Variants in ADGRL3 observed in about 807,000 individuals in gnomAD.
ADGRL3 encodes calcium-independent alpha-latrotoxin receptor 3.
Under a neutral mutation model 153.5 loss-of-function variants are expected in ADGRL3, and 62 were observed. The ratio of observed to expected loss-of-function variants is 0.40; its 90% CI spans 0.33 to 0.50. The LOEUF (loss-of-function observed/expected upper bound fraction) is 0.50, where lower values mean the gene tolerates loss of function less well. Among genes scored for constraint, ADGRL3 ranks in the 20% least tolerant of loss-of-function variants. The probability of loss-of-function intolerance (pLI) is 0.47; values close to 1 mark genes in which losing one functional copy is unlikely to be tolerated. For synonymous variants in ADGRL3, 710 were observed against 672.5 expected, an observed-to-expected ratio of 1.06 and a Z score of -0.86; for missense variants, 1,641 against 1,859.4, an observed-to-expected ratio of 0.88 and a Z score of 2.16.
At chr4:61,688,770 G>T (rs1047923973) in intron 6 of ADGRL3, among the ~76,000 whole-genome samples, 1 of 151,992 alleles carries the variant, frequency 6.6e-6, no homozygotes, top group Non-Finnish European at 1.5e-5. Context: ...CAAAACCTTT[G>T]CCCTAATTCT....
chr4:61,331,178 G>C (rs1227832465), intron 1 of ADGRL3, among the ~76,000 whole-genome samples: 2 of 152,064 alleles, frequency 1.3e-5, no homozygotes, highest in African/African-American at 4.8e-5. Flanking sequence ...AACTTTGCAT[G>C]CATTTTTGTG....
chr4:61,478,389 AG>A (rs2098090254), intron 2 of ADGRL3, among the ~76,000 whole-genome samples: 1 of 152,058 alleles, frequency 6.6e-6, no homozygotes, highest in East Asian at 1.9e-4. Flanking sequence ...CAAAAGAGAA[AG>A]GGGAAAAAAA....
chr4:61,221,107 G>T (rs757939779), intron 1 of ADGRL3, among the ~76,000 whole-genome samples: 1 of 152,124 alleles, frequency 6.6e-6, no homozygotes, highest in Non-Finnish European at 1.5e-5. Flanking sequence ...ACAGAGGCTG[G>T]AATATGAGCT....
chr4:61,901,360 AT>A (rs1164149338), intron 11 of ADGRL3, among the ~76,000 whole-genome samples: 2 of 152,198 alleles, frequency 1.3e-5, no homozygotes, highest in African/African-American at 4.8e-5. Context: ...ATTTTACAGT[AT>A]TTTACAACGT....
intron 9 of ADGRL3, among the ~76,000 whole-genome samples, chr4:61,823,479 G>C (rs1581007864): frequency 6.6e-6 from 1 of 151,978 alleles, no homozygotes; most frequent in Non-Finnish European, 1.5e-5. Context: ...TCACCTTTTT[G>C]AGTGGTATTA....
intron 9 of ADGRL3, among the ~76,000 whole-genome samples, chr4:61,859,451 G>T (rs1214631917): frequency 6.6e-6 from 1 of 152,032 alleles, no homozygotes; most frequent in African/African-American, 2.4e-5. Context: ...AAATGTTTTT[G>T]TTTTCATAAT....
At chr4:61,320,278 T>C (rs891485011) in intron 1 of ADGRL3, among the ~76,000 whole-genome samples, 12 of 152,240 alleles carry the variant, frequency 7.9e-5, no homozygotes, top group African/African-American at 2.9e-4. Flanking sequence ...TATGCAAATA[T>C]ACCTAAGGAT....
intron 1 of ADGRL3, among the ~76,000 whole-genome samples, chr4:61,347,647 G>T (rs2095948703): frequency 6.7e-6 from 1 of 149,848 alleles, no homozygotes; most frequent in Non-Finnish European, 1.5e-5. Context: ...TATTAAGTTG[G>T]ACCCTAGAAA....
At chr4:61,570,665 G>A (rs538910277) in intron 4 of ADGRL3, among the ~76,000 whole-genome samples, 71 of 152,120 alleles carry the variant, frequency 4.7e-4, no homozygotes, top group South Asian at 1.2e-3. Flanking sequence ...TCTCACAATC[G>A]GAAATTAAGC....
At chr4:61,857,694 CCTTCCTTT>C (rs2098292922) in intron 9 of ADGRL3, among the ~76,000 whole-genome samples, 1 of 149,164 alleles carries the variant, frequency 6.7e-6, no homozygotes, top group South Asian at 2.1e-4. Context: ...TTCCTTTCTT[CCTTCCTTT>C]CTTCCTTTCC....
intron 21 of ADGRL3, among the ~76,000 whole-genome samples, chr4:62,023,839 C>T (rs1233030320): frequency 1.3e-5 from 2 of 152,248 alleles, no homozygotes; most frequent in South Asian, 4.1e-4. Flanking sequence ...ATTTGTGACT[C>T]ACTTTATTGT....
intron 13 of ADGRL3, among the ~76,000 whole-genome samples, chr4:61,916,800 A>C (rs1199658478): frequency 6.6e-6 from 1 of 152,090 alleles, no homozygotes; most frequent in African/African-American, 2.4e-5. Flanking sequence ...TAAAAATACA[A>C]AAATTAGCTG....
intron 9 of ADGRL3, among the ~76,000 whole-genome samples, chr4:61,829,534 A>G (rs546018130): frequency 3.9e-5 from 6 of 152,304 alleles, no homozygotes; most frequent in East Asian, 3.9e-4. Context: ...TCGTTTACCA[A>G]TGAATTTCAG....
At chr4:61,755,414 C>T (rs377188393) in intron 8 of ADGRL3, among the ~76,000 whole-genome samples, 18 of 151,778 alleles carry the variant, frequency 1.2e-4, no homozygotes, top group East Asian at 7.8e-4. Context: ...ACATAAATGT[C>T]TTCTTTTGAG....
intron 9 of ADGRL3, among the ~76,000 whole-genome samples, chr4:61,876,895 C>A (rs1447274666): frequency 1.6e-5 from 2 of 125,436 alleles, no homozygotes; most frequent in African/African-American, 5.9e-5. Flanking sequence ...TCTCAATAAA[C>A]TTGCTTTCAC....
At chr4:61,308,010 G>A (rs1268913019) in intron 1 of ADGRL3, among the ~76,000 whole-genome samples, 2 of 152,120 alleles carry the variant, frequency 1.3e-5, no homozygotes, top group East Asian at 1.9e-4. Flanking sequence ...GGTCTCGCCT[G>A]CTTATTTGTC....
At chr4:61,891,929 A>G (rs2098590023) in intron 9 of ADGRL3, among the ~76,000 whole-genome samples, 1 of 152,214 alleles carries the variant, frequency 6.6e-6, no homozygotes, top group African/African-American at 2.4e-5. Context: ...CAAAGAACCT[A>G]ACTATTTTAT....
At chr4:61,618,499 T>G (rs1018012288) in intron 5 of ADGRL3, among the ~76,000 whole-genome samples, 2 of 152,138 alleles carry the variant, frequency 1.3e-5, no homozygotes, top group Non-Finnish European at 2.9e-5. Flanking sequence ...GGCTGGGGTT[T>G]GATGGATCAA....
chr4:61,838,299 C>A (rs929803525), intron 9 of ADGRL3, among the ~76,000 whole-genome samples: 6 of 152,074 alleles, frequency 3.9e-5, no homozygotes, highest in African/African-American at 1.4e-4. Flanking sequence ...TTCTGAAAAA[C>A]ACAGCTATTT....
Sources: gnomAD v4.1 joint callset for allele counts (sites outside exome capture counted in the v4.1 genomes callset) on GRCh38, gnomAD v4.1.1 for gene constraint, MANE v1.5 for transcripts, NCBI Gene and HGNC (gene_info 2026-07-23, HGNC 2026-07-21) for gene names.